The following OXR1 variants were observed in gnomAD, a reference collection of about 807,000 sequenced individuals.
OXR1 encodes oxidation resistance protein 1.
In OXR1, 41 loss-of-function variants were observed where a neutral mutation model predicts 104.6. The observed-to-expected ratio is 0.39, with a 90% CI of 0.31 to 0.51. The LOEUF (loss-of-function observed/expected upper bound fraction) is 0.51, where lower values mean the gene tolerates loss of function less well. Among genes scored for constraint, OXR1 ranks in the 20% least tolerant of loss-of-function variants. The probability of loss-of-function intolerance (pLI) is 0.77; values close to 1 mark genes in which losing one functional copy is unlikely to be tolerated. For synonymous variants in OXR1, 348 were observed against 348.4 expected (o/e 1.00, Z 0.01); for missense variants, 955 against 1,031.9 (o/e 0.93, Z 1.02).
chr8:106,421,813 T>C (rs1248579729), intron 2 of OXR1, among the ~76,000 whole-genome samples: 1 of 152,230 alleles, frequency 6.6e-6, no homozygotes, highest in Non-Finnish European at 1.5e-5. Flanking sequence ...CCATGAATTG[T>C]AGTCATTAAT....
chr8:106,632,493 A>G (rs556846522), intron 3 of OXR1, among the ~76,000 whole-genome samples: 1 of 152,340 alleles, frequency 6.6e-6, no homozygotes, highest in African/African-American at 2.4e-5. Flanking sequence ...CAAGCTGTCA[A>G]ATTAAATGCT....
chr8:106,509,285 A>G (rs561943608), intron 2 of OXR1, among the ~76,000 whole-genome samples: 27 of 152,328 alleles, frequency 1.8e-4, no homozygotes, highest in African/African-American at 6.3e-4. Flanking sequence ...CAGTTGAAAG[A>G]CTTTGAAGTT....
intron 3 of OXR1, among the ~76,000 whole-genome samples, chr8:106,616,218 ATTTTT>A (rs372788802): frequency 2.9e-4 from 28 of 96,028 alleles, no homozygotes; most frequent in African/African-American, 1.3e-3. Context: ...ATTTTTTGGA[ATTTTT>A]TTTTTTTTTT....
intron 2 of OXR1, among the ~76,000 whole-genome samples, chr8:106,471,694 A>G (rs1821500335): frequency 6.6e-6 from 1 of 151,854 alleles, no homozygotes; most frequent in African/African-American, 2.4e-5. Flanking sequence ...TTTTAAAGTA[A>G]TAAGAGATTT....
In OXR1 at chr8:106,603,466, A is replaced by G. The variant is rs3101544; in HGVS notation, c.221-75744A>G. On this transcript the variant is annotated intron_variant, in intron 3 of 16. Transcript: ENST00000517566. The stretch of plus-strand genomic sequence containing the variant: ...ATGGTATATGGTAGATAATACTACC[A>G]TCTTTTTCAGCTAAAACTGTCAAGT... Among the ~76,000 whole-genome samples, 1,466 of 152,308 alleles carry G rather than the reference A, an allele frequency of 9.6e-3. 136 individuals carry two copies. In the East Asian group the frequency reaches 0.23, roughly 24 times the overall value.
At chr8:106,377,477 C>T (rs117264885) in intron 2 of OXR1, among the ~76,000 whole-genome samples, 2 of 152,114 alleles carry the variant, frequency 1.3e-5, no homozygotes, top group Non-Finnish European at 2.9e-5. Flanking sequence ...TGAGCTATGG[C>T]GACTGACCTA....
chr8:106,420,657 A>G (rs992325011), intron 2 of OXR1, among the ~76,000 whole-genome samples: 2 of 151,802 alleles, frequency 1.3e-5, no homozygotes, highest in African/African-American at 4.8e-5. Context: ...AATTAGTACA[A>G]CCAGTTAAGG....
rs548499118 is a variant in OXR1, at chr8:106,596,889, C to T, written c.220+77750C>T. Among the ~76,000 whole-genome samples, 270 of 152,054 alleles carry T rather than the reference C, an allele frequency of 1.8e-3. 1 individual carries two copies. The Middle Eastern group carries it at 0.044, about 25-fold the overall frequency. ...CCAGCATGGTGAAACCCCGTCTCTA[C>T]TAACAATACAAAAATTATCTGGGCA... On this transcript the variant is annotated intron_variant, in intron 3 of 16. Coordinates refer to ENST00000517566, the MANE Select transcript of OXR1 (RefSeq NM_001198533.2).
chr8:106,555,083 A>G (rs1188088080), intron 3 of OXR1, among the ~76,000 whole-genome samples: 1 of 152,198 alleles, frequency 6.6e-6, no homozygotes, highest in African/African-American at 2.4e-5. Flanking sequence ...TACATTAACT[A>G]TAGTCCTCAT....
At chr8:106,407,527 C>G (rs976465310) in intron 2 of OXR1, among the ~76,000 whole-genome samples, 4 of 152,196 alleles carry the variant, frequency 2.6e-5, no homozygotes, top group African/African-American at 9.6e-5. Flanking sequence ...TTGAGGTCAT[C>G]TACTAATTGA....
At chr8:106,306,001 T>A (rs755335756) in intron 1 of OXR1, among the ~76,000 whole-genome samples, 1 of 152,106 alleles carries the variant, frequency 6.6e-6, no homozygotes, top group Non-Finnish European at 1.5e-5. Context: ...TATTTCTTAT[T>A]TTTAGGTTAC....
chr8:106,273,904 A>G (rs914675208), intron 1 of OXR1, among the ~76,000 whole-genome samples: 1 of 152,218 alleles, frequency 6.6e-6, no homozygotes, highest in African/African-American at 2.4e-5. Flanking sequence ...CCAAATCAGA[A>G]CTATTCTGCT....
intron 3 of OXR1, among the ~76,000 whole-genome samples, chr8:106,654,748 C>T (rs1824909245): frequency 6.6e-6 from 1 of 152,102 alleles, no homozygotes; most frequent in African/African-American, 2.4e-5. Flanking sequence ...ATTTGGACTT[C>T]ATCAAAATTA....
chr8:106,341,881 T>C (rs1428800123), intron 1 of OXR1, among the ~76,000 whole-genome samples: 3 of 151,854 alleles, frequency 2.0e-5, no homozygotes, highest in Admixed American at 2.0e-4. Flanking sequence ...TCTATTTTTT[T>C]TTTTTCTTTT....
chr8:106,450,270 T>C (rs952221623), intron 2 of OXR1, among the ~76,000 whole-genome samples: 1 of 152,158 alleles, frequency 6.6e-6, no homozygotes, highest in Non-Finnish European at 1.5e-5. Context: ...CAAAATTATG[T>C]CTGGATGCCT....
At chr8:106,568,170 A>G (rs945508418) in intron 3 of OXR1, among the ~76,000 whole-genome samples, 1 of 152,134 alleles carries the variant, frequency 6.6e-6, no homozygotes, top group African/African-American at 2.4e-5. Context: ...TCAGACTCAG[A>G]TATGAATTTA....
intron 2 of OXR1, among the ~76,000 whole-genome samples, chr8:106,442,284 A>G (rs1819817680): frequency 1.3e-5 from 2 of 152,172 alleles, no homozygotes; most frequent in South Asian, 4.1e-4. Context: ...CATGGTGGGT[A>G]AGTTTTTTGA....
rs373504715 is a variant in OXR1, at chr8:106,724,089, A to G, written c.1956+10104A>G. On this transcript the variant is annotated intron_variant, in intron 11 of 16. Coordinates refer to ENST00000517566, the MANE Select transcript of OXR1 (RefSeq NM_001198533.2). ...CCACCTCACCTGGCATAAAATAATA[A>G]ATAGTGAGTAGGGTAAATTATATAT... Among the ~76,000 whole-genome samples the G allele has an allele frequency of 1.5e-4, 23 of 152,312 alleles. No homozygotes were observed. The South Asian group carries it at 3.1e-3, about 21-fold the overall frequency.
intron 2 of OXR1, among the ~76,000 whole-genome samples, chr8:106,474,012 T>TACACACACACACAC (rs199751152): frequency 2.9e-5 from 4 of 137,414 alleles, no homozygotes; most frequent in Admixed American, 2.2e-4. Context: ...TGTATATTTA[T>TACACACACACACAC]ACACACACAC....
Sources: gnomAD v4.1 joint callset for allele counts (sites outside exome capture counted in the v4.1 genomes callset) on GRCh38, gnomAD v4.1.1 for gene constraint, MANE v1.5 for transcripts, NCBI Gene and HGNC (gene_info 2026-07-23, HGNC 2026-07-21) for gene names.